The following HNF1B variants were observed in gnomAD, a reference collection of about 807,000 sequenced individuals.
The protein encoded by HNF1B is hepatocyte nuclear factor 1-beta.
Under a neutral mutation model 61.7 loss-of-function variants are expected in HNF1B, and 8 were observed. That is an observed-to-expected ratio of 0.13 (90% CI 0.08 to 0.23). HNF1B has a LOEUF of 0.23. HNF1B is among the 10% of genes least tolerant of loss of function. The pLI is 1.00. For synonymous variants in HNF1B, 314 were observed against 287.7 expected (o/e 1.09, Z -0.93); for missense variants, 562 against 714.5 (o/e 0.79, Z 2.43).
chr17:37,742,126 G>A (rs969728253), intron 1 of HNF1B, among the ~76,000 whole-genome samples: 1 of 152,248 alleles, frequency 6.6e-6, no homozygotes, highest in African/African-American at 2.4e-5. Context: ...GGCGCCCGCA[G>A]GGTCCGTCCC....
chr17:37,701,928 G>A (rs954419474), intron 6 of HNF1B, among the ~76,000 whole-genome samples: 1 of 152,146 alleles, frequency 6.6e-6, no homozygotes, highest in African/African-American at 2.4e-5. Flanking sequence ...GAGATGTCAG[G>A]GCCTCTGTAA....
At chr17:37,727,254 A>C (rs149664159) in intron 4 of HNF1B, among the ~76,000 whole-genome samples, 2 of 152,286 alleles carry the variant, frequency 1.3e-5, no homozygotes, top group Non-Finnish European at 2.9e-5. Context: ...AGACCTGCTC[A>C]ATGGCTTCAG....
At position 37,710,804 on chromosome 17, in the gene HNF1B, C is replaced by T. The variant is rs17847518; in HGVS notation, c.1046-141G>A. 1.5e-4 allele frequency: 124 copies of T among 810,220 alleles called. No individual in the cohort carries two copies. In the East Asian group the frequency reaches 2.0e-3, roughly 13 times the overall value. The allele number at this position is 810,220 out of a possible 1,614,324, so 50.2% of individuals were successfully genotyped here. ...TCCCCTGTCCACCCACAAGAAATAT[C>T]GGCTGCTTTTCTCCAGGGTAAATAT... On this transcript the variant is annotated intron_variant, in intron 4 of 8. Coordinates refer to ENST00000617811, the MANE Select transcript of HNF1B (RefSeq NM_000458.4).
intron 4 of HNF1B, among the ~76,000 whole-genome samples, chr17:37,715,280 G>C (rs753032267): frequency 2.0e-5 from 3 of 152,106 alleles, no homozygotes; most frequent in Non-Finnish European, 2.9e-5. Flanking sequence ...TTATAGCCTA[G>C]CAGACTGCCT....
chr17:37,694,325 A>G (rs1185510686), intron 8 of HNF1B, among the ~76,000 whole-genome samples: 1 of 150,116 alleles, frequency 6.7e-6, no homozygotes, highest in African/African-American at 2.5e-5. Context: ...GCTACTCAGG[A>G]CTCTGAGGCA....
At chr17:37,702,085 A>G (rs886437806) in intron 6 of HNF1B, among the ~76,000 whole-genome samples, 46 of 152,190 alleles carry the variant, frequency 3.0e-4, no homozygotes, top group African/African-American at 9.9e-4. Context: ...CAGGACGATC[A>G]GGAGAGAAGA....
At chr17:37,718,607 G>A (rs1178047316) in intron 4 of HNF1B, among the ~76,000 whole-genome samples, 2 of 152,162 alleles carry the variant, frequency 1.3e-5, no homozygotes, top group South Asian at 2.1e-4. Context: ...TTCCTCCTAA[G>A]CCCCAAATGG....
chr17:37,699,045 C>A, intron 8 of HNF1B, 31 bp downstream of exon 8: 3 of 1,528,422 alleles, frequency 2.0e-6, no homozygotes, highest in Non-Finnish European at 2.7e-6. Context: ...CCTGCCCACA[C>A]CCCAACCCCC....
intron 3 of HNF1B, among the ~76,000 whole-genome samples, chr17:37,732,882 T>C (rs775751853): frequency 5.3e-5 from 8 of 150,932 alleles, no homozygotes; most frequent in Admixed American, 1.3e-4. Flanking sequence ...GGTTTCACCA[T>C]GTTGCCCAGG....
intron 6 of HNF1B, among the ~76,000 whole-genome samples, chr17:37,701,641 G>C (rs1202054332): frequency 6.6e-6 from 1 of 152,112 alleles, no homozygotes; most frequent in Non-Finnish European, 1.5e-5. Flanking sequence ...CCCAAATTTT[G>C]ACTAAAAACA....
chr17:37,711,691 CTTG>C lies in HNF1B; in HGVS notation c.1046-1031_1046-1029del, dbSNP rs556243018. 1.1e-3 allele frequency among the ~76,000 whole-genome samples: 164 copies of C among 152,320 alleles called. 1 individual carries two copies. The highest frequency in any genetic ancestry group is 3.7e-3 in the African/African-American group (153 of 41,560). On this transcript the variant is annotated intron_variant, in intron 4 of 8. Coordinates refer to ENST00000617811, the MANE Select transcript of HNF1B (RefSeq NM_000458.4). ...GCTCAGTGCTTAGAAAGACAGTGTT[CTTG>C]TTTTTTGCTTTGGATTTGACAAAAA...
intron 5 of HNF1B, 103 bp from the exon 6 acceptor site, chr17:37,705,152 C>T: frequency 4.3e-6 from 5 of 1,174,406 alleles, no homozygotes; most frequent in Non-Finnish European, 6.2e-6. Context: ...GACTAGTTCT[C>T]AAATTCATTC....
intron 3 of HNF1B, among the ~76,000 whole-genome samples, chr17:37,732,676 C>T (rs919863860): frequency 7.5e-6 from 1 of 133,212 alleles, no homozygotes; most frequent in African/African-American, 2.7e-5. Flanking sequence ...GCTTTCCAAT[C>T]GTTTAAAAAA....
At chr17:37,736,355 TGTG>T (rs1000001916) in intron 2 of HNF1B, among the ~76,000 whole-genome samples, 18 of 152,246 alleles carry the variant, frequency 1.2e-4, no homozygotes, top group Non-Finnish European at 2.4e-4. Context: ...GAACCTTTTC[TGTG>T]GTGAGGTATT....
chr17:37,724,141 C>T (rs1349314893), intron 4 of HNF1B, among the ~76,000 whole-genome samples: 1 of 152,138 alleles, frequency 6.6e-6, no homozygotes, highest in Non-Finnish European at 1.5e-5. Context: ...TGTCCCAGAC[C>T]ATCCTCTTCA....
rs199528399 is a variant in HNF1B, at chr17:37,719,154, T to TG, written c.1046-8492dup. Among the ~76,000 whole-genome samples the TG allele has an allele frequency of 8.4e-3, 1,281 of 151,830 alleles. 13 individuals are homozygous for TG. The highest frequency in any genetic ancestry group is 0.028 in the African/African-American group (1,165 of 41,390). ...TATTGTTATTATTATTTTGAAGAGATGGGGGGGTCTATGTTGCCCAGGGTA... is the reference window on the plus strand; with the variant it reads ...TATTGTTATTATTATTTTGAAGAGATGGGGGGGGTCTATGTTGCCCAGGGTA... On this transcript the variant is annotated intron_variant, in intron 4 of 8. Coordinates refer to ENST00000617811, the MANE Select transcript of HNF1B (RefSeq NM_000458.4).
chr17:37,697,435 G>A (rs1381972597), intron 8 of HNF1B, among the ~76,000 whole-genome samples: 4 of 152,166 alleles, frequency 2.6e-5, no homozygotes, highest in East Asian at 1.9e-4. Context: ...GGGGGCTGGT[G>A]CAGCGTCTCA....
intron 4 of HNF1B, among the ~76,000 whole-genome samples, chr17:37,717,888 TAGA>T (rs1367294335): frequency 6.6e-6 from 1 of 152,250 alleles, no homozygotes; most frequent in East Asian, 1.9e-4. Context: ...GCAAAGAGTT[TAGA>T]AGATTAAAAA....
intron 2 of HNF1B, among the ~76,000 whole-genome samples, chr17:37,737,556 G>A (rs756381066): frequency 1.3e-5 from 2 of 152,040 alleles, no homozygotes; most frequent in South Asian, 4.1e-4. Flanking sequence ...AACTGGGTGC[G>A]GTGGCTCACC....
Sources: allele counts gnomAD v4.1 joint callset (sites outside exome capture counted in the v4.1 genomes callset), GRCh38; gene constraint gnomAD v4.1.1; transcripts MANE v1.5; gene names NCBI Gene and HGNC (gene_info 2026-07-23, HGNC 2026-07-21).